Variants in AKAP19 observed in about 807,000 individuals in gnomAD.
AKAP19 encodes the protein A-kinase anchoring protein 19.
At chr2:190,057,634 G>A in the AKAP19 span, 127 of 1,612,948 alleles carry the variant, frequency 7.9e-5, 1 homozygote, top group South Asian at 9.9e-4. Flanking sequence ...CTCTAAAAAC[G>A]GATTCTGTTT....
chr2:190,040,896 C>A, the AKAP19 span, among the ~76,000 whole-genome samples: 13 of 152,276 alleles, frequency 8.5e-5, no homozygotes, highest in East Asian at 2.5e-3. Context: ...GTCTTTGAAC[C>A]AGTACCATGC....
chr2:190,001,732 A>G, the AKAP19 span, among the ~76,000 whole-genome samples: 3 of 152,266 alleles, frequency 2.0e-5, no homozygotes, highest in African/African-American at 4.8e-5. Context: ...TTTCAGGCCA[A>G]TTCCACATCT....
At chr2:190,062,172 A>G in the AKAP19 span, 2 of 1,598,978 alleles carry the variant, frequency 1.3e-6, no homozygotes, top group Non-Finnish European at 1.7e-6. Context: ...TCTCATAAAC[A>G]CTAGAACAAC....
the AKAP19 span, among the ~76,000 whole-genome samples, chr2:190,171,440 G>A: frequency 6.6e-6 from 1 of 151,938 alleles, no homozygotes; most frequent in Non-Finnish European, 1.5e-5. Context: ...TCATTTTATT[G>A]GACTTTTTTT....
chr2:189,962,267 C>G, the AKAP19 span, among the ~76,000 whole-genome samples: 2 of 152,154 alleles, frequency 1.3e-5, no homozygotes, highest in Admixed American at 1.3e-4. Context: ...AATAGGCTCT[C>G]TCATATAATG....
chr2:189,894,415 A>G, the AKAP19 span, among the ~76,000 whole-genome samples: 1 of 152,134 alleles, frequency 6.6e-6, no homozygotes, highest in African/African-American at 2.4e-5. Context: ...TAGAATTTGC[A>G]TCCACATCTT....
At chr2:190,174,705 A>C in the AKAP19 span, among the ~76,000 whole-genome samples, 2 of 152,344 alleles carry the variant, frequency 1.3e-5, no homozygotes, top group East Asian at 3.9e-4. Flanking sequence ...TGAAATAGCA[A>C]ATTTTGGACC....
the AKAP19 span, among the ~76,000 whole-genome samples, chr2:190,010,558 A>G: frequency 6.6e-6 from 1 of 152,190 alleles, no homozygotes; most frequent in African/African-American, 2.4e-5. Flanking sequence ...ATTCCACTTA[A>G]AATGCATGTT....
At chr2:190,157,015 T>A in the AKAP19 span, among the ~76,000 whole-genome samples, 1 of 152,108 alleles carries the variant, frequency 6.6e-6, no homozygotes, top group East Asian at 1.9e-4. Context: ...AATGGCTCAA[T>A]ATACTGTATT....
chr2:189,945,927 G>C, the AKAP19 span, among the ~76,000 whole-genome samples: 2 of 152,146 alleles, frequency 1.3e-5, no homozygotes, highest in Non-Finnish European at 2.9e-5. Flanking sequence ...CTGTTTGCTT[G>C]AGAACTCAGG....
chr2:190,195,623 G>A, the AKAP19 span, among the ~76,000 whole-genome samples: 1 of 152,250 alleles, frequency 6.6e-6, no homozygotes, highest in African/African-American at 2.4e-5. Context: ...TATTTGTATT[G>A]TTGACTTTTA....
At chr2:189,888,005 G>T in the AKAP19 span, among the ~76,000 whole-genome samples, 1 of 151,996 alleles carries the variant, frequency 6.6e-6, no homozygotes, top group South Asian at 2.1e-4. Context: ...CATTGCTTTT[G>T]GTGTTTTAGT....
chr2:190,031,046 C>T, the AKAP19 span, among the ~76,000 whole-genome samples: 2 of 152,058 alleles, frequency 1.3e-5, no homozygotes, highest in Admixed American at 6.5e-5. Context: ...CTTTCCCCCA[C>T]GAAATAGAAG....
chr2:190,124,025 C>T, the AKAP19 span, among the ~76,000 whole-genome samples: 7 of 152,212 alleles, frequency 4.6e-5, no homozygotes, highest in African/African-American at 7.2e-5. Context: ...CACCAGCAGC[C>T]TCCCTGATTC....
the AKAP19 span, among the ~76,000 whole-genome samples, chr2:189,984,710 A>G: frequency 6.6e-6 from 1 of 152,242 alleles, no homozygotes; most frequent in African/African-American, 2.4e-5. Context: ...TGCAGTAAAG[A>G]CAGGCATAAG....
the AKAP19 span, among the ~76,000 whole-genome samples, chr2:190,009,328 A>G: frequency 6.6e-6 from 1 of 152,208 alleles, no homozygotes; most frequent in Non-Finnish European, 1.5e-5. Flanking sequence ...TGTTAGGGGC[A>G]TTTAGGATAT....
chr2:189,970,464 T>G, the AKAP19 span, among the ~76,000 whole-genome samples: 1 of 152,140 alleles, frequency 6.6e-6, no homozygotes, highest in South Asian at 2.1e-4. Context: ...GTTTTTAAAC[T>G]TAAGGTAAAT....
chr2:190,113,925 AGACACTGC>A, the AKAP19 span, among the ~76,000 whole-genome samples: 1 of 152,208 alleles, frequency 6.6e-6, no homozygotes. Flanking sequence ...AACTAGGATA[AGACACTGC>A]TTTCTTCCTG....
chr2:190,180,981 C>A, the AKAP19 span: 1 of 985,596 alleles, frequency 1.0e-6, no homozygotes, highest in Non-Finnish European at 1.2e-6. This position sits in a 1 kb window ranked among gnomAD's most constrained non-coding sequence, Gnocchi z 6.8. Flanking sequence ...CGCCAGCAAG[C>A]CCCCCTCCCA....
Sources: allele counts gnomAD v4.1 joint callset (sites outside exome capture counted in the v4.1 genomes callset), GRCh38; gene constraint gnomAD v4.1.1; non-coding constraint Gnocchi (gnomAD v3.1); transcripts MANE v1.5; gene names NCBI Gene and HGNC (gene_info 2026-07-23, HGNC 2026-07-21).